PREX2: variants seen among roughly 807,000 people sequenced by gnomAD.
PREX2 encodes phosphatidylinositol-3,4,5-trisphosphate dependent Rac exchange factor 2.
In PREX2, 107 loss-of-function variants were observed where a neutral mutation model predicts 203.2. That is an observed-to-expected ratio of 0.53 (90% CI 0.45 to 0.62). The LOEUF is 0.62. Among genes scored for constraint, PREX2 ranks in the 20% least tolerant of loss-of-function variants. PREX2 has a pLI of 0.00. For missense variants in PREX2, 1,777 were observed against 1,955.9 expected (o/e 0.91, Z 1.72); for synonymous variants, 672 against 663.6 (o/e 1.01, Z -0.19).
At chr8:68,103,484 G>C (rs144616992) in intron 23 of PREX2, 5 of 511,224 alleles carry the variant, frequency 9.8e-6, no homozygotes, top group East Asian at 5.5e-5. Flanking sequence ...TCGTGTCAGC[G>C]TACAAATATG....
chr8:67,972,158 G>T (rs191350794), intron 1 of PREX2, among the ~76,000 whole-genome samples: 1 of 152,288 alleles, frequency 6.6e-6, no homozygotes, highest in South Asian at 2.1e-4. Context: ...GTTCACTGCC[G>T]TGAGGGGCTC....
At chr8:68,114,585 A>G (rs1017357564) in intron 25 of PREX2, among the ~76,000 whole-genome samples, 3 of 152,210 alleles carry the variant, frequency 2.0e-5, no homozygotes, top group African/African-American at 7.2e-5. Context: ...GTTCAAGCCT[A>G]GAGTGTTGGA....
At chr8:68,094,115 G>A (rs1237655205) in intron 21 of PREX2, among the ~76,000 whole-genome samples, 1 of 152,166 alleles carries the variant, frequency 6.6e-6, no homozygotes, top group South Asian at 2.1e-4. Context: ...TTTCAGTGTT[G>A]TTTAGACCTG....
chr8:68,167,784 A>G (rs1357230914), intron 35 of PREX2, among the ~76,000 whole-genome samples: 1 of 152,128 alleles, frequency 6.6e-6, no homozygotes, highest in Non-Finnish European at 1.5e-5. Context: ...TTCTTTTAGT[A>G]TTGGACTGGA....
At chr8:68,213,614 A>C (rs946918685) in intron 37 of PREX2, among the ~76,000 whole-genome samples, 1 of 152,234 alleles carries the variant, frequency 6.6e-6, no homozygotes, top group African/African-American at 2.4e-5. Context: ...TGCAGGTTAC[A>C]TTTATCATAT....
intron 1 of PREX2, among the ~76,000 whole-genome samples, chr8:67,962,402 C>T (rs1264911875): frequency 6.6e-6 from 1 of 151,974 alleles, no homozygotes; most frequent in African/African-American, 2.4e-5. Flanking sequence ...ACTAGGAGAC[C>T]ATCTATGGAA....
At chr8:68,122,244 A>G (rs899003204) in intron 30 of PREX2, among the ~76,000 whole-genome samples, 4 of 152,100 alleles carry the variant, frequency 2.6e-5, no homozygotes, top group African/African-American at 9.6e-5. Context: ...AGATTAGTAG[A>G]AAGGAAATTT....
chr8:68,105,277 G>A (rs1810376619), intron 23 of PREX2: 1 of 1,367,598 alleles, frequency 7.3e-7, no homozygotes, highest in Non-Finnish European at 9.8e-7. Context: ...CCTCTCTTAG[G>A]AATATCCCAG....
Position 68,207,688 on chromosome 8 carries a change from T to C in PREX2, c.4605-9928T>C, listed in dbSNP as rs934595410. ...ATACAATCCTGAAAACAACACTGTGTGTTGTATATTATTATTAAATTCAAT... is the reference window on the plus strand; with the variant it reads ...ATACAATCCTGAAAACAACACTGTGCGTTGTATATTATTATTAAATTCAAT... On this transcript the variant is annotated intron_variant, in intron 37 of 39. Transcript: ENST00000288368. Among the ~76,000 whole-genome samples the C allele has an allele frequency of 7.2e-5, 11 of 152,196 alleles. No homozygotes were observed. The South Asian group carries it at 2.3e-3, about 32-fold the overall frequency.
chr8:68,051,828 T>A (rs1009873756), intron 8 of PREX2, among the ~76,000 whole-genome samples: 1 of 152,162 alleles, frequency 6.6e-6, no homozygotes, highest in African/African-American at 2.4e-5. Context: ...TTTTGATTAT[T>A]CATGGATTAT....
intron 34 of PREX2, among the ~76,000 whole-genome samples, chr8:68,152,861 A>C (rs1369165): frequency 0.46 from 69,912 of 151,872 alleles, 16,351 homozygotes; most frequent in African/African-American, 0.54. Flanking sequence ...GTTTTTATGG[A>C]TCTCCACAGG....
chr8:67,967,525 T>A (rs1805808613), intron 1 of PREX2, among the ~76,000 whole-genome samples: 1 of 152,188 alleles, frequency 6.6e-6, no homozygotes, highest in Admixed American at 6.5e-5. Context: ...TCATCATGGA[T>A]GGGAACCCAG....
chr8:67,990,603 G>A (rs1020863929), intron 1 of PREX2, among the ~76,000 whole-genome samples: 7 of 151,134 alleles, frequency 4.6e-5, no homozygotes, highest in Non-Finnish European at 1.0e-4. Context: ...TCCGCCTCCC[G>A]GGTTCAAGCA....
At chr8:67,982,925 C>T (rs1018988055) in intron 1 of PREX2, among the ~76,000 whole-genome samples, 2 of 152,282 alleles carry the variant, frequency 1.3e-5, no homozygotes, top group Non-Finnish European at 2.9e-5. Context: ...TCTGGCATGG[C>T]CTTTAGCATC....
chr8:68,017,320 CT>C (rs1235746449), intron 1 of PREX2, among the ~76,000 whole-genome samples: 1 of 152,082 alleles, frequency 6.6e-6, no homozygotes, highest in Non-Finnish European at 1.5e-5. Context: ...AAAGGAAATT[CT>C]TTCATTCCTT....
chr8:68,015,673 C>G (rs548941953), intron 1 of PREX2, among the ~76,000 whole-genome samples: 18 of 152,004 alleles, frequency 1.2e-4, no homozygotes, highest in Non-Finnish European at 2.1e-4. Context: ...ACTATGTAAA[C>G]TAGGCAAATA....
At chr8:68,046,905 T>A (rs1334001597) in intron 8 of PREX2, among the ~76,000 whole-genome samples, 3 of 149,620 alleles carry the variant, frequency 2.0e-5, no homozygotes, top group Non-Finnish European at 4.4e-5. Flanking sequence ...GGGAATTGAA[T>A]AATAGAAATT....
rs551449247 is a variant in PREX2 at position 67,955,372 on chromosome 8, G to GCA, written c.141+2843_141+2844dup. On this transcript the variant is annotated intron_variant, in intron 1 of 39. Coordinates refer to ENST00000288368, the MANE Select transcript of PREX2 (RefSeq NM_024870.4). ...GCATCTTCTCTGTAGTTGCCCCCAGGCACACACCGCTGTTTGAACAAAGCT... is the reference window on the plus strand; with the variant it reads ...GCATCTTCTCTGTAGTTGCCCCCAGGCACACACACCGCTGTTTGAACAAAGCT... Among the ~76,000 whole-genome samples the GCA allele has an allele frequency of 2.2e-3, 328 of 152,070 alleles. 1 individual carries two copies. Among genetic ancestry groups the GCA allele is most frequent in the Non-Finnish European group, 3.6e-3 (243 of 67,976 alleles).
intron 23 of PREX2, among the ~76,000 whole-genome samples, chr8:68,101,904 C>G (rs1810275353): frequency 6.6e-6 from 1 of 152,094 alleles, no homozygotes; most frequent in African/African-American, 2.4e-5. Flanking sequence ...ATCTTAGGAT[C>G]AGGGTATATT....
Sources: allele counts gnomAD v4.1 joint callset (sites outside exome capture counted in the v4.1 genomes callset), GRCh38; gene constraint gnomAD v4.1.1; transcripts MANE v1.5; gene names NCBI Gene and HGNC (gene_info 2026-07-23, HGNC 2026-07-21).